LY96: variants seen among roughly 807,000 people sequenced by gnomAD.
LY96 encodes the protein lymphocyte antigen 96.
LY96 carries 18 observed loss-of-function variants against 18.9 expected under a neutral mutation model. That is an observed-to-expected ratio of 0.95 (90% CI 0.66 to 1.41). The LOEUF (loss-of-function observed/expected upper bound fraction) is 1.41, where lower values mean the gene tolerates loss of function less well. Among genes scored for constraint, LY96 ranks in the 40% most tolerant of loss-of-function variants. The pLI, the probability that LY96 is intolerant of heterozygous loss-of-function variation, is 0.00. For missense variants in LY96, 175 were observed against 182.4 expected, an observed-to-expected ratio of 0.96 and a Z score of 0.23; for synonymous variants, 66 against 62.6, an observed-to-expected ratio of 1.06 and a Z score of -0.26.
chr8:74,005,304 G>A (rs1446886065), intron 2 of LY96, among the ~76,000 whole-genome samples: 1 of 152,158 alleles, frequency 6.6e-6, no homozygotes, highest in African/African-American at 2.4e-5. Flanking sequence ...CCAGCGAGGG[G>A]GACAGTCAGC....
At chr8:74,025,423 G>A (rs1024032822) in intron 3 of LY96, among the ~76,000 whole-genome samples, 7 of 152,092 alleles carry the variant, frequency 4.6e-5, no homozygotes, top group Admixed American at 2.6e-4. Flanking sequence ...GGAAGGCCGA[G>A]GCAGGCAGAT....
At chr8:73,999,497 C>A (rs891080752) in intron 1 of LY96, among the ~76,000 whole-genome samples, 1 of 151,434 alleles carries the variant, frequency 6.6e-6, no homozygotes, top group African/African-American at 2.4e-5. Context: ...TGGACTCAAG[C>A]GATTCTGCTG....
intron 1 of LY96, among the ~76,000 whole-genome samples, chr8:73,996,369 A>AT (rs1226110516): frequency 0.012 from 669 of 53,726 alleles, 9 homozygotes; most frequent in East Asian, 0.019. Context: ...TCCTTCCTTC[A>AT]TTCCTTTCTT....
chr8:74,010,969 A>G (rs1418926896), intron 3 of LY96, among the ~76,000 whole-genome samples: 2 of 151,640 alleles, frequency 1.3e-5, no homozygotes, highest in African/African-American at 4.8e-5. Flanking sequence ...TTGATATTTT[A>G]CCTGAATCTT....
At chr8:74,003,014 T>C (rs1397547586) in intron 1 of LY96, among the ~76,000 whole-genome samples, 1 of 152,270 alleles carries the variant, frequency 6.6e-6, no homozygotes, top group African/African-American at 2.4e-5. Flanking sequence ...AGGTAAATCA[T>C]ATAACTTCAT....
chr8:74,054,677 T>TTCTTTTC, the LY96 span, among the ~76,000 whole-genome samples: 3 of 147,460 alleles, frequency 2.0e-5, no homozygotes, highest in South Asian at 6.5e-4. Context: ...TCTTTCTTTT[T>TTCTTTTC]ATTTGAGATG....
At chr8:74,001,785 C>A (rs1323910371) in intron 1 of LY96, among the ~76,000 whole-genome samples, 1 of 152,096 alleles carries the variant, frequency 6.6e-6, no homozygotes, top group Non-Finnish European at 1.5e-5. Context: ...CTGCAATGAG[C>A]TATGATTGCA....
At chr8:74,041,579 A>G in the LY96 span, among the ~76,000 whole-genome samples, 5 of 152,194 alleles carry the variant, frequency 3.3e-5, no homozygotes, top group Non-Finnish European at 7.3e-5. Flanking sequence ...ACCATGGGAA[A>G]GGAATGCATT....
the LY96 span, chr8:74,099,588 T>G: frequency 6.6e-6 from 1 of 152,216 alleles, no homozygotes; most frequent in African/African-American, 2.4e-5. Context: ...AACACTGCCA[T>G]TTTTTGTACA....
intron 3 of LY96, among the ~76,000 whole-genome samples, chr8:74,019,595 A>G (rs1340942643): frequency 1.3e-5 from 2 of 152,202 alleles, no homozygotes; most frequent in Non-Finnish European, 2.9e-5. Flanking sequence ...CCTGATACCA[A>G]AGCCTGGCAG....
At chr8:74,009,396 A>AGAAG in intron 2 of LY96, among the ~76,000 whole-genome samples, 1 of 147,650 alleles carries the variant, frequency 6.8e-6, no homozygotes, top group African/African-American at 2.6e-5. Context: ...AAAAAAAAAA[A>AGAAG]AAAGAAGAAA....
chr8:74,028,172 T>C (rs1816908626), intron 4 of LY96, among the ~76,000 whole-genome samples: 1 of 152,208 alleles, frequency 6.6e-6, no homozygotes, highest in African/African-American at 2.4e-5. Context: ...AAACAGTTGT[T>C]AGTGAGACCT....
the LY96 span, among the ~76,000 whole-genome samples, chr8:74,054,520 T>TTTCCTTCCTTCCTTCC: frequency 2.5e-3 from 298 of 118,404 alleles, 5 homozygotes; most frequent in African/African-American, 8.6e-3. Context: ...TTTTCTTTCT[T>TTTCCTTCCTTCCTTCC]TTCCTTCCTT....
the LY96 span, among the ~76,000 whole-genome samples, chr8:74,054,238 G>T: frequency 6.6e-6 from 1 of 152,080 alleles, no homozygotes; most frequent in Non-Finnish European, 1.5e-5. Context: ...CATTGGTCAG[G>T]TTAGTCTCAA....
intron 1 of LY96, among the ~76,000 whole-genome samples, chr8:74,002,050 C>T (rs1458562843): frequency 0.014 from 403 of 29,178 alleles, 40 homozygotes; most frequent in African/African-American, 0.049. Context: ...TTCCTTCCTT[C>T]CTTCCTTCCT....
intron 3 of LY96, among the ~76,000 whole-genome samples, chr8:74,024,271 TATG>T (rs2131283120): frequency 6.6e-6 from 1 of 151,816 alleles, no homozygotes; most frequent in South Asian, 2.1e-4. Flanking sequence ...AAAAATGAAA[TATG>T]ATTCAATTTG....
intron 3 of LY96, among the ~76,000 whole-genome samples, chr8:74,017,159 G>C (rs7839553): frequency 0.24 from 36,874 of 152,068 alleles, 5,205 homozygotes; most frequent in African/African-American, 0.39. Context: ...CCTTGAAAAA[G>C]GATTGGATGA....
At chr8:74,084,963 C>T in the LY96 span, among the ~76,000 whole-genome samples, 2 of 152,182 alleles carry the variant, frequency 1.3e-5, no homozygotes, top group African/African-American at 4.8e-5. Context: ...GAAAGAATTG[C>T]AGACTCATTC....
chr8:74,086,210 T>A, the LY96 span, among the ~76,000 whole-genome samples: 22 of 152,312 alleles, frequency 1.4e-4, no homozygotes, highest in South Asian at 3.9e-3. Context: ...ATTCCCCTGA[T>A]CTTTCTACCT....
Sources: gnomAD v4.1 joint callset for allele counts (sites outside exome capture counted in the v4.1 genomes callset) on GRCh38, gnomAD v4.1.1 for gene constraint, MANE v1.5 for transcripts, NCBI Gene and HGNC (gene_info 2026-07-23, HGNC 2026-07-21) for gene names.